The following IQGAP2 variants were observed in gnomAD, a reference collection of about 807,000 sequenced individuals.
IQGAP2 encodes ras GTPase-activating-like protein IQGAP2.
A neutral mutation model predicts 201.3 loss-of-function variants in IQGAP2; 173 were observed. That is an observed-to-expected ratio of 0.86 (90% CI 0.76 to 0.98). The LOEUF (loss-of-function observed/expected upper bound fraction) is 0.98. IQGAP2 is among the 50% of genes least tolerant of loss of function. The pLI is 0.00. For missense variants in IQGAP2, 1,687 were observed against 1,864.8 expected (o/e 0.90, Z 1.76); for synonymous variants, 675 against 673.9 (o/e 1.00, Z -0.03).
At chr5:76,448,474 A>G (rs2150111933) in intron 1 of IQGAP2, among the ~76,000 whole-genome samples, 1 of 152,230 alleles carries the variant, frequency 6.6e-6, no homozygotes, top group South Asian at 2.1e-4. Context: ...ACCTGATATC[A>G]AGATGAAAGG....
chr5:76,703,206 A>T (rs1055581065), intron 35 of IQGAP2, among the ~76,000 whole-genome samples: 3 of 152,052 alleles, frequency 2.0e-5, no homozygotes, highest in Admixed American at 2.0e-4. Flanking sequence ...CCCAGGCTGG[A>T]ATACAGTGGC....
intron 2 of IQGAP2, 62 bp from the exon 3 acceptor site, chr5:76,562,334 C>A: frequency 1.6e-6 from 2 of 1,254,634 alleles, no homozygotes; most frequent in Non-Finnish European, 2.3e-6. Context: ...TGCTGCATGC[C>A]TTCATTTGCA....
chr5:76,582,005 A>G (rs969351650), intron 5 of IQGAP2, among the ~76,000 whole-genome samples: 5 of 152,262 alleles, frequency 3.3e-5, no homozygotes, highest in African/African-American at 9.6e-5. Flanking sequence ...GCTTTTAACT[A>G]TGTGCCTGGC....
chr5:76,607,071 A>G (rs570851453), intron 12 of IQGAP2: 1 of 152,150 alleles, frequency 6.6e-6, no homozygotes, highest in Non-Finnish European at 1.5e-5. Flanking sequence ...TCTCTCCTCC[A>G]CCTTCCAGCT....
chr5:76,619,340 G>A (rs1490082303), intron 13 of IQGAP2, among the ~76,000 whole-genome samples: 2 of 152,102 alleles, frequency 1.3e-5, no homozygotes, highest in African/African-American at 2.4e-5. Flanking sequence ...GAAATCATAT[G>A]TCTATTCACA....
chr5:76,447,538 A>T (rs746885657), intron 1 of IQGAP2, among the ~76,000 whole-genome samples: 4 of 152,200 alleles, frequency 2.6e-5, no homozygotes, highest in Non-Finnish European at 4.4e-5. Context: ...GAGCTGCCAG[A>T]ATCGGTGGGT....
At chr5:76,612,194 A>G (rs76111488) in intron 13 of IQGAP2, among the ~76,000 whole-genome samples, 2,504 of 151,456 alleles carry the variant, frequency 0.017, 74 homozygotes, top group African/African-American at 0.059. Context: ...AAAGCTATCT[A>G]AAATGTGACC....
intron 12 of IQGAP2, among the ~76,000 whole-genome samples, chr5:76,609,845 G>A (rs571268049): frequency 0.15 from 22,304 of 147,206 alleles, 1,773 homozygotes; most frequent in Admixed American, 0.27. Context: ...ATATATATGT[G>A]TGTGTGTGTG....
intron 2 of IQGAP2, among the ~76,000 whole-genome samples, chr5:76,516,861 T>C (rs1427845585): frequency 6.6e-6 from 1 of 152,248 alleles, no homozygotes; most frequent in Non-Finnish European, 1.5e-5. Flanking sequence ...AGCTGCTATC[T>C]TAACTTAAAA....
chr5:76,573,289 A>T (rs1745240995), intron 4 of IQGAP2, among the ~76,000 whole-genome samples: 1 of 152,344 alleles, frequency 6.6e-6, no homozygotes, highest in South Asian at 2.1e-4. Context: ...ATTGGTTTTT[A>T]TTATGAAGTC....
intron 13 of IQGAP2, chr5:76,617,606 G>C (rs1402092595): frequency 1.2e-6 from 2 of 1,613,022 alleles, no homozygotes; most frequent in South Asian, 2.2e-5. Context: ...AAGCAGTGGA[G>C]TGATTTCTGG....
At chr5:76,601,312 TTAA>T (rs1250568090) in intron 11 of IQGAP2, among the ~76,000 whole-genome samples, 8 of 152,208 alleles carry the variant, frequency 5.3e-5, no homozygotes. Context: ...GGAAGCAACT[TTAA>T]TAATCATCCA....
Position 76,623,075 on chromosome 5 carries a change from T to C in IQGAP2, c.1522-4335T>C, listed in dbSNP as rs983034983. On this transcript the variant is annotated intron_variant, in intron 13 of 35. Transcript: ENST00000274364. ...CAAACTGCCTTTGGGGTTTACAGTT[T>C]GTGTGAGATGCAAAGAAACCTAGGT... 6.0e-6 allele frequency: 7 copies of C among 1,157,866 alleles called. No individual in the cohort carries two copies. In the East Asian group the frequency reaches 1.6e-4, roughly 27 times the overall value. The allele number at this position is 1,157,866 out of a possible 1,614,324, so 71.7% of individuals were successfully genotyped here. A position where few individuals can be genotyped will look rare whatever the true frequency, so the allele number is the denominator to read the frequency against.
At chr5:76,559,738 A>T (rs1264234276) in intron 2 of IQGAP2, among the ~76,000 whole-genome samples, 1 of 152,118 alleles carries the variant, frequency 6.6e-6, no homozygotes, top group Non-Finnish European at 1.5e-5. Context: ...GCCACTGTGG[A>T]GTTCGTGTGG....
intron 1 of IQGAP2, among the ~76,000 whole-genome samples, chr5:76,458,405 C>T (rs935658630): frequency 1.3e-5 from 2 of 152,138 alleles, no homozygotes; most frequent in Admixed American, 1.3e-4. Flanking sequence ...TATCAAAAGC[C>T]ACTACTTAGT....
At chr5:76,577,177 C>A (rs1745526810) in intron 5 of IQGAP2, among the ~76,000 whole-genome samples, 1 of 151,846 alleles carries the variant, frequency 6.6e-6, no homozygotes, top group Non-Finnish European at 1.5e-5. Flanking sequence ...AAATAGACAA[C>A]TGGGACATTC....
chr5:76,583,386 C>A (rs1366948331), intron 5 of IQGAP2, among the ~76,000 whole-genome samples: 1 of 151,784 alleles, frequency 6.6e-6, no homozygotes, highest in Non-Finnish European at 1.5e-5. Flanking sequence ...TGTAAAACGC[C>A]CATACCATGA....
At chr5:76,683,953 TAC>T (rs1561590171) in intron 30 of IQGAP2, 36 bp downstream of exon 30, 1 of 1,567,518 alleles carries the variant, frequency 6.4e-7, no homozygotes, top group Admixed American at 1.8e-5. Context: ...TGTCTCCAAA[TAC>T]ACATCTTAAA....
At chr5:76,478,270 G>A (rs1755567568) in intron 2 of IQGAP2, among the ~76,000 whole-genome samples, 1 of 152,130 alleles carries the variant, frequency 6.6e-6, no homozygotes, top group South Asian at 2.1e-4. Flanking sequence ...GCGTGGTGGT[G>A]CATACCTATA....
Sources: gnomAD v4.1 joint callset for allele counts (sites outside exome capture counted in the v4.1 genomes callset) on GRCh38, gnomAD v4.1.1 for gene constraint, MANE v1.5 for transcripts, NCBI Gene and HGNC (gene_info 2026-07-23, HGNC 2026-07-21) for gene names.